The following ANK2 variants were observed in gnomAD, a reference collection of about 807,000 sequenced individuals.
The protein encoded by ANK2 is ankyrin 2, also known as ankyrin-2.
Under a neutral mutation model 360.5 loss-of-function variants are expected in ANK2, and 83 were observed. The observed-to-expected ratio is 0.23, with a 90% confidence interval of 0.19 to 0.28. The LOEUF (loss-of-function observed/expected upper bound fraction) is 0.28, where lower values mean the gene tolerates loss of function less well. ANK2 is among the 10% of genes least tolerant of loss of function. The pLI is 1.00. For missense variants in ANK2, 4,201 were observed against 4,795.7 expected (o/e 0.88, Z 3.66); for synonymous variants, 1,740 against 1,759.5 (o/e 0.99, Z 0.28).
At chr4:112,730,073 G>C in the ANK2 span, among the ~76,000 whole-genome samples, 2 of 151,888 alleles carry the variant, frequency 1.3e-5, no homozygotes, top group African/African-American at 4.8e-5. Flanking sequence ...GGCCAATATG[G>C]TGAAACCCTG....
intron 1 of ANK2, among the ~76,000 whole-genome samples, chr4:112,844,352 C>G (rs147505392): frequency 6.6e-6 from 1 of 152,098 alleles, no homozygotes; most frequent in Non-Finnish European, 1.5e-5. Flanking sequence ...CTTATGACAA[C>G]GATTATATTT....
chr4:112,965,786 T>C (rs535361597), intron 2 of ANK2, among the ~76,000 whole-genome samples: 1 of 152,314 alleles, frequency 6.6e-6, no homozygotes, highest in Non-Finnish European at 1.5e-5. Flanking sequence ...TGTAGGTGTA[T>C]GAATTTGTTT....
chr4:113,303,503 G>C (rs908395937), intron 23 of ANK2, among the ~76,000 whole-genome samples: 6 of 152,218 alleles, frequency 3.9e-5, no homozygotes, highest in African/African-American at 1.4e-4. Flanking sequence ...GGACTGCCTG[G>C]AGTGGGTGTG....
intron 1 of ANK2, among the ~76,000 whole-genome samples, chr4:113,167,990 C>G (rs111994716): frequency 6.6e-6 from 1 of 152,032 alleles, no homozygotes; most frequent in African/African-American, 2.4e-5. Flanking sequence ...TTTTAAAATA[C>G]AAGAATTTTA....
chr4:112,876,313 C>T (rs2075095185), intron 1 of ANK2, among the ~76,000 whole-genome samples: 1 of 152,028 alleles, frequency 6.6e-6, no homozygotes, highest in African/African-American at 2.4e-5. Flanking sequence ...TAATTTAAAT[C>T]AATGTAACTT....
the ANK2 span, among the ~76,000 whole-genome samples, chr4:112,810,512 T>A: frequency 6.6e-6 from 1 of 152,138 alleles, no homozygotes; most frequent in Admixed American, 6.6e-5. Context: ...CTCATATTTC[T>A]CTGTTAGTTG....
At chr4:113,046,517 G>A (rs191516523), upstream of ANK2, among the ~76,000 whole-genome samples, 627 of 152,040 alleles carry the variant, frequency 4.1e-3, 5 homozygotes, top group Middle Eastern at 0.01. Context: ...CCTTATAAAA[G>A]GGGTGGAGGG....
chr4:113,109,525 G>A (rs1176186148), intron 1 of ANK2, among the ~76,000 whole-genome samples: 1 of 152,156 alleles, frequency 6.6e-6, no homozygotes, highest in Non-Finnish European at 1.5e-5. Context: ...TGACTGTGAA[G>A]AGGGCTCCCT....
chr4:112,946,341 T>C (rs1306262806), intron 2 of ANK2, among the ~76,000 whole-genome samples: 1 of 152,216 alleles, frequency 6.6e-6, no homozygotes, highest in Non-Finnish European at 1.5e-5. Context: ...CAAGCTGTGA[T>C]GCTGTTAGCC....
At chr4:113,107,694 T>C (rs1049152754) in intron 1 of ANK2, among the ~76,000 whole-genome samples, 1 of 152,178 alleles carries the variant, frequency 6.6e-6, no homozygotes, top group Non-Finnish European at 1.5e-5. Context: ...TATCTTATGC[T>C]TTTATATTCA....
chr4:112,988,987 T>A (rs1384837327), intron 2 of ANK2, among the ~76,000 whole-genome samples: 7 of 152,232 alleles, frequency 4.6e-5, no homozygotes, highest in Non-Finnish European at 8.8e-5. Flanking sequence ...CTGTTTTCTC[T>A]GTGTAGACAA....
intron 1 of ANK2, among the ~76,000 whole-genome samples, chr4:113,110,616 A>G (rs1464480843): frequency 2.0e-5 from 3 of 152,246 alleles, no homozygotes; most frequent in Non-Finnish European, 2.9e-5. Context: ...ACGCATGGAT[A>G]CAATAGTCAT....
At chr4:112,765,657 C>A in the ANK2 span, among the ~76,000 whole-genome samples, 1 of 139,784 alleles carries the variant, frequency 7.2e-6, no homozygotes, top group African/African-American at 2.7e-5. Context: ...CCCCCTCCCC[C>A]GCTTTTTTTT....
At chr4:112,901,048 A>G (rs1168258260) in intron 1 of ANK2, among the ~76,000 whole-genome samples, 1 of 152,204 alleles carries the variant, frequency 6.6e-6, no homozygotes, top group East Asian at 1.9e-4. Flanking sequence ...GTACTTGGGA[A>G]CACACTATAA....
chr4:112,979,980 G>C (rs115264971), intron 2 of ANK2: 1,878 of 152,368 alleles, frequency 0.012, 19 homozygotes, highest in South Asian at 0.022. Context: ...AGATTTCTCC[G>C]GAAACCCGCC....
At chr4:112,885,159 C>G (rs1379144853) in intron 1 of ANK2, among the ~76,000 whole-genome samples, 1 of 152,164 alleles carries the variant, frequency 6.6e-6, no homozygotes, top group African/African-American at 2.4e-5. Context: ...TCTTTCCCCA[C>G]TGACTTCCTT....
rs2092628186 is a variant in ANK2 at position 113,332,201 on chromosome 4, T to G, written c.3224+131T>G. 5 of 832,584 alleles carry G rather than the reference T, an allele frequency of 6.0e-6. No homozygotes were observed. In the Admixed American group the frequency reaches 7.9e-5, roughly 13 times the overall value. The allele number at this position is 832,584 out of a possible 1,614,324, so 51.6% of individuals were successfully genotyped here. A position where few individuals can be genotyped will look rare whatever the true frequency, so the allele number is the denominator to read the frequency against. ...TCTATGATTTAAATTCTGTATAACC[T>G]ATCTTTAGTGGACCATTTCTGACCC... On this transcript the variant is annotated intron_variant, in intron 28 of 45. Coordinates refer to ENST00000357077, the MANE Select transcript of ANK2 (RefSeq NM_001148.6).
Position 113,365,113 on chromosome 4 carries a change from C to T in ANK2, c.10963C>T (p.Pro3655Ser), listed in dbSNP as rs1399040145. 1.9e-6 allele frequency: 3 copies of T among 1,613,756 alleles called. No individual in the cohort carries two copies. In the Admixed American group the frequency reaches 5.0e-5, roughly 27 times the overall value. ...IVHLMETNTE[P>S]LQERISHSYA... The stretch of plus-strand genomic sequence containing the variant: ...TCATCTCATGGAGACCAACACAGAA[C>T]CTCTCCAGGAGCGCATCAGTCATAG... Residue 3655 changes from proline (P) to serine (S), a missense_variant, in exon 41 of 46, where the codon CCT becomes TCT. By Grantham distance (74) the Pro-to-Ser change is moderately conservative. Coordinates refer to ENST00000357077, the MANE Select transcript of ANK2 (RefSeq NM_001148.6).
chr4:112,926,936 G>A lies in ANK2; in HGVS notation c.21+22422G>A, dbSNP rs112169046. Among the ~76,000 whole-genome samples the A allele has an allele frequency of 8.3e-3, 1,258 of 152,290 alleles. 13 individuals are homozygous for A. Among genetic ancestry groups the A allele is most frequent in the African/African-American group, 0.029 (1,196 of 41,560 alleles). ...GTTTAATTGACTCACAGTTCCACAGGACTGGGGAGGTGTCAGAAAACTTAC... is the reference window on the plus strand; with the variant it reads ...GTTTAATTGACTCACAGTTCCACAGAACTGGGGAGGTGTCAGAAAACTTAC... On this transcript the variant is annotated intron_variant, in intron 2 of 30. Transcript: ENST00000503271.
Sources: allele counts gnomAD v4.1 joint callset (sites outside exome capture counted in the v4.1 genomes callset), GRCh38; gene constraint gnomAD v4.1.1; transcripts MANE v1.5; gene names NCBI Gene and HGNC (gene_info 2026-07-23, HGNC 2026-07-21).